Variants in PCCB observed in about 807,000 individuals in gnomAD.
PCCB encodes the protein propionyl-CoA carboxylase beta chain, mitochondrial.
Under a neutral mutation model 60.7 loss-of-function variants are expected in PCCB, and 43 were observed. That is an observed-to-expected ratio of 0.71 (90% CI 0.55 to 0.91). PCCB has a LOEUF of 0.91. PCCB is among the 40% of genes least tolerant of loss of function. The pLI is 0.00. For missense variants in PCCB, 766 were observed against 702.8 expected, an observed-to-expected ratio of 1.09 and a Z score of -1.02; for synonymous variants, 276 against 255.9, an observed-to-expected ratio of 1.08 and a Z score of -0.75.
chr3:136,268,085 T>TAG (rs1451086872), intron 5 of PCCB, among the ~76,000 whole-genome samples: 76 of 93,548 alleles, frequency 8.1e-4, no homozygotes, highest in South Asian at 6.4e-3. Flanking sequence ...TGTGTGTGTG[T>TAG]AGATATATAT....
intron 5 of PCCB, among the ~76,000 whole-genome samples, chr3:136,270,763 C>T (rs1187454448): frequency 1.3e-5 from 2 of 152,296 alleles, no homozygotes; most frequent in East Asian, 1.9e-4. Context: ...GCCTTGGCCT[C>T]CCAAATTACT....
chr3:136,319,180 C>T (rs1935020132), intron 10 of PCCB, among the ~76,000 whole-genome samples: 1 of 152,172 alleles, frequency 6.6e-6, no homozygotes, highest in Non-Finnish European at 1.5e-5. Flanking sequence ...AGCATCCTTT[C>T]ATGTGCTTAT....
chr3:136,326,104 G>A (rs1170001842), intron 10 of PCCB, among the ~76,000 whole-genome samples: 4 of 152,184 alleles, frequency 2.6e-5, no homozygotes, highest in South Asian at 2.1e-4. Flanking sequence ...GAGCCACCGC[G>A]CCTGGCCTAC....
chr3:136,316,271 A>G (rs962839679), intron 9 of PCCB, among the ~76,000 whole-genome samples: 5 of 152,004 alleles, frequency 3.3e-5, no homozygotes, highest in African/African-American at 1.2e-4. Context: ...ATAATAATGA[A>G]GAATCGGGGT....
At chr3:136,308,283 G>C (rs991088721) in intron 9 of PCCB, among the ~76,000 whole-genome samples, 1 of 148,850 alleles carries the variant, frequency 6.7e-6, no homozygotes, top group Non-Finnish European at 1.5e-5. Context: ...ACCCAGGCTG[G>C]AGTGCTGTGG....
chr3:136,321,883 G>A (rs147253037), intron 10 of PCCB, among the ~76,000 whole-genome samples: 218 of 152,202 alleles, frequency 1.4e-3, no homozygotes, highest in Middle Eastern at 6.8e-3. Flanking sequence ...TTATTTTTTG[G>A]TCACTTCTTT....
At chr3:136,293,635 C>T (rs1370207693) in intron 6 of PCCB, 121 bp from the exon 7 acceptor site, 2 of 775,520 alleles carry the variant, frequency 2.6e-6, no homozygotes, top group East Asian at 4.9e-5. Context: ...AAGCTACATC[C>T]TATCCTCATT....
chr3:136,268,100 A>ATATATATATG (rs1401260583), intron 5 of PCCB, among the ~76,000 whole-genome samples: 16 of 63,608 alleles, frequency 2.5e-4, no homozygotes, highest in East Asian at 1.9e-3. Flanking sequence ...ATATATATAT[A>ATATATATATG]TATATATATA....
intron 1 of PCCB, among the ~76,000 whole-genome samples, chr3:136,251,469 CT>C (rs1380693150): frequency 6.6e-6 from 1 of 152,116 alleles, no homozygotes; most frequent in East Asian, 1.9e-4. Context: ...GGGATGGGGT[CT>C]TAAAGTGAGG....
intron 10 of PCCB, among the ~76,000 whole-genome samples, chr3:136,319,213 G>A (rs1412053134): frequency 6.6e-6 from 1 of 151,860 alleles, no homozygotes; most frequent in African/African-American, 2.4e-5. Context: ...TATCTTCTTT[G>A]GAAAAATGTC....
At chr3:136,326,980 T>G (rs1935337630) in intron 11 of PCCB, 70 bp downstream of exon 11, 1 of 1,189,764 alleles carries the variant, frequency 8.4e-7, no homozygotes, top group Admixed American at 1.7e-5. Flanking sequence ...TATTTGGAGA[T>G]CTTCTTGCAG....
At chr3:136,288,455 C>T (rs1933524969) in intron 6 of PCCB, among the ~76,000 whole-genome samples, 1 of 151,982 alleles carries the variant, frequency 6.6e-6, no homozygotes, top group Admixed American at 6.5e-5. Context: ...AAGTGATCCT[C>T]CTGCCTCAGC....
At position 136,255,945 on chromosome 3, in the gene PCCB, A is replaced by G. The variant is rs746406056; in HGVS notation, c.273A>G (p.Ala91=). 1 of 1,614,180 alleles carries G rather than the reference A, an allele frequency of 6.2e-7. No individual in the cohort carries two copies. The highest frequency in any genetic ancestry group is 8.5e-7 in the Non-Finnish European group (1 of 1,179,992). The change falls in exon 2 of 15, where the codon GCA becomes GCG. Residue 91 remains alanine (A), a synonymous_variant. Transcript: ENST00000251654. The part of the protein sequence containing the change: ...ESDMFVEHRC[A]DFGMAADKNK... ...ACATGTTTGTGGAACACAGATGTGC[A>G]GATTTTGGAATGGCTGCTGATAAGA... is the stretch of plus-strand genomic sequence containing the variant.
intron 4 of PCCB, among the ~76,000 whole-genome samples, chr3:136,261,349 C>T (rs75951527): frequency 0.012 from 1,852 of 152,210 alleles, 32 homozygotes; most frequent in East Asian, 0.046. Context: ...AGACCTTGGG[C>T]CAGTCACTTA....
intron 5 of PCCB, among the ~76,000 whole-genome samples, chr3:136,280,644 C>G (rs932196349): frequency 1.3e-5 from 2 of 152,156 alleles, no homozygotes; most frequent in Admixed American, 6.5e-5. Flanking sequence ...TTGTGCCCAG[C>G]CTTCTTTCAA....
Position 136,262,159 on chromosome 3 carries a change from C to G in PCCB, c.543+94C>G, listed in dbSNP as rs573676903. 5.0e-6 allele frequency: 4 copies of G among 803,154 alleles called. No homozygotes were observed. The South Asian group carries it at 5.8e-5, about 12-fold the overall frequency. The allele number at this position is 803,154 out of a possible 1,614,324, so 49.8% of individuals were successfully genotyped here. On this transcript the variant is annotated intron_variant, in intron 5 of 14. Coordinates refer to ENST00000251654, the MANE Select transcript of PCCB (RefSeq NM_000532.5). ...AGCTTCTCCAACTCTCCTCATTGTT[C>G]TCTGCCGCATTGTGTCTGTTCTGTG...
At chr3:136,262,876 A>G (rs1251784214) in intron 5 of PCCB, among the ~76,000 whole-genome samples, 1 of 152,062 alleles carries the variant, frequency 6.6e-6, no homozygotes, top group Non-Finnish European at 1.5e-5. Flanking sequence ...AGACGTGGTG[A>G]TAAACCACCA....
chr3:136,260,669 C>T (rs777025674), intron 4 of PCCB, 134 bp downstream of exon 4: 13 of 748,320 alleles, frequency 1.7e-5, no homozygotes, highest in South Asian at 3.1e-5. Flanking sequence ...GCTACCAACC[C>T]GAAGGGGTGC....
chr3:136,327,330 GT>G, intron 12 of PCCB, 75 bp downstream of exon 12: 1 of 1,118,896 alleles, frequency 8.9e-7, no homozygotes. Context: ...GTCTGGCAGA[GT>G]TTTACCAGGG....
Sources: allele counts gnomAD v4.1 joint callset (sites outside exome capture counted in the v4.1 genomes callset), GRCh38; gene constraint gnomAD v4.1.1; transcripts MANE v1.5; gene names NCBI Gene and HGNC (gene_info 2026-07-23, HGNC 2026-07-21).